The following ERICH1 variants were observed in gnomAD, a reference collection of about 807,000 sequenced individuals.
ERICH1 encodes glutamate rich 1, also known as glutamate-rich protein 1.
In ERICH1, 56 loss-of-function variants were observed where a neutral mutation model predicts 39.6. That is an observed-to-expected ratio of 1.41 (90% CI 1.14 to 1.77). The LOEUF is 1.77. Among genes scored for constraint, ERICH1 ranks in the 40% most tolerant of loss-of-function variants. The probability of loss-of-function intolerance (pLI) is 0.00; values close to 1 mark genes in which losing one functional copy is unlikely to be tolerated. For synonymous variants in ERICH1, 313 were observed against 223.6 expected, an observed-to-expected ratio of 1.40 and a Z score of -3.57; for missense variants, 826 against 575.4, an observed-to-expected ratio of 1.44 and a Z score of -4.45.
intron 5 of ERICH1, chr8:668,111 C>T (rs189727105): frequency 4.4e-5 from 9 of 202,732 alleles, no homozygotes; most frequent in East Asian, 3.9e-4. Context: ...CTTGTGTCAC[C>T]GCACACGGCA....
At chr8:711,604 T>G (rs1219282538) in intron 2 of ERICH1, among the ~76,000 whole-genome samples, 1 of 152,034 alleles carries the variant, frequency 6.6e-6, no homozygotes, top group African/African-American at 2.4e-5. Context: ...TTCAAGCAAT[T>G]CTTCTGCCTC....
chr8:731,120 T>TCCGCA lies in ERICH1; in HGVS notation c.22+15_22+19dup, dbSNP rs1320511145. 6.0e-6 allele frequency: 9 copies of TCCGCA among 1,506,288 alleles called. No homozygotes were observed. Among genetic ancestry groups the TCCGCA allele is most frequent in the Non-Finnish European group, 7.1e-6 (8 of 1,128,854 alleles). 93.3% of individuals were successfully genotyped at this position (1,506,288 alleles called of 1,614,324 possible). ...GCCGGGTCTGGGGTCTGGGCAGGCC[T>TCCGCA]CCGCACCGCACCCACCTACCGTGCT... is the stretch of plus-strand genomic sequence containing the variant. On this transcript the variant is annotated intron_variant, in intron 1 of 5. Transcript: ENST00000262109.
chr8:695,927 C>T (rs563483432), intron 2 of ERICH1, among the ~76,000 whole-genome samples: 1 of 79,762 alleles, frequency 1.3e-5, no homozygotes, highest in South Asian at 6.2e-4. Flanking sequence ...TCACCCTCCA[C>T]TCCTCTCCTT....
chr8:726,729 C>A (rs576608648), intron 1 of ERICH1, among the ~76,000 whole-genome samples: 68 of 151,704 alleles, frequency 4.5e-4, no homozygotes, highest in African/African-American at 1.6e-3. Context: ...CACACACAGG[C>A]AAACAGATAT....
At chr8:651,686 A>C (rs1799965412) in intron 3 of ERICH1, among the ~76,000 whole-genome samples, 1 of 135,988 alleles carries the variant, frequency 7.4e-6, no homozygotes. Context: ...GTGGGGGAGA[A>C]GACTGAGGGG....
chr8:637,641 CTG>C (rs1358281053), intron 3 of ERICH1: 2 of 152,350 alleles, frequency 1.3e-5, no homozygotes, highest in Non-Finnish European at 2.9e-5. Flanking sequence ...GGGTGCTCAG[CTG>C]TGAGGATGAC....
chr8:679,280 C>G (rs1805570249), intron 3 of ERICH1, among the ~76,000 whole-genome samples: 1 of 149,540 alleles, frequency 6.7e-6, no homozygotes, highest in Admixed American at 6.7e-5. Flanking sequence ...CTCACAGCTC[C>G]TACTGCTCAC....
intron 3 of ERICH1, among the ~76,000 whole-genome samples, chr8:629,914 T>C (rs1225534065): frequency 9.3e-6 from 1 of 107,462 alleles, no homozygotes; most frequent in African/African-American, 4.1e-5. Flanking sequence ...CAGAGCTGAC[T>C]CACACCCTCC....
At position 673,940 on chromosome 8, in the gene ERICH1, T is replaced by C; in HGVS notation, c.412A>G (p.Lys138Glu). Reference sequence around the variant, plus strand: ...TTCTCCTGTAACAGACTCTGCTGTTTCTCTAATTCTGCTTGTTCTATAAGA... The same window carrying C: ...TTCTCCTGTAACAGACTCTGCTGTTCCTCTAATTCTGCTTGTTCTATAAGA... ...NVLIEQAELEKQQSLLQEKSQ... is the reference protein window; with the variant it reads ...NVLIEQAELEEQQSLLQEKSQ... The change falls in exon 4 of 6, where the codon AAA (lysine) becomes GAA (glutamate). Residue 138 changes from lysine (K) to glutamate (E), a missense_variant. Coordinates refer to ENST00000262109, the MANE Select transcript of ERICH1 (RefSeq NM_207332.3). 6.2e-7 allele frequency: 1 copy of C among 1,612,032 alleles called. No homozygotes were observed. Among genetic ancestry groups the C allele is most frequent in the African/African-American group, 1.3e-5 (1 of 74,944 alleles).
At chr8:705,770 TA>T (rs1345799595) in intron 2 of ERICH1, among the ~76,000 whole-genome samples, 20 of 152,198 alleles carry the variant, frequency 1.3e-4, no homozygotes, top group African/African-American at 4.8e-4. Context: ...AAGGAAAAAG[TA>T]AAACTACCCG....
intron 2 of ERICH1, among the ~76,000 whole-genome samples, chr8:702,748 C>G (rs1267280762): frequency 6.6e-6 from 1 of 152,202 alleles, no homozygotes; most frequent in Non-Finnish European, 1.5e-5. Context: ...AGCTAACTGC[C>G]AAGACCCGCC....
intron 5 of ERICH1, chr8:668,013 CAGT>C (rs1200586993): frequency 5.9e-6 from 1 of 168,832 alleles, no homozygotes; most frequent in African/African-American, 2.4e-5. Flanking sequence ...GCTCTGCACT[CAGT>C]GGTGTGCAGG....
intron 3 of ERICH1, chr8:627,069 G>C (rs1471824950): frequency 6.6e-6 from 3 of 453,678 alleles, no homozygotes; most frequent in Non-Finnish European, 1.3e-5. Flanking sequence ...CCGTGCTCTG[G>C]GCTCCAGCAG....
At chr8:628,479 T>G (rs1797727155) in intron 3 of ERICH1, among the ~76,000 whole-genome samples, 1 of 152,208 alleles carries the variant, frequency 6.6e-6, no homozygotes, top group African/African-American at 2.4e-5. Flanking sequence ...GGCATGTGGC[T>G]GCTCCCCAGT....
At chr8:619,728 A>G (rs909847062) in intron 3 of ERICH1, among the ~76,000 whole-genome samples, 5 of 152,226 alleles carry the variant, frequency 3.3e-5, no homozygotes, top group African/African-American at 1.2e-4. Flanking sequence ...ACAATATATT[A>G]AACAACAGCA....
At chr8:704,451 C>G (rs1472664887) in intron 2 of ERICH1, among the ~76,000 whole-genome samples, 1 of 151,986 alleles carries the variant, frequency 6.6e-6, no homozygotes, top group African/African-American at 2.4e-5. Context: ...GAAATTAGTA[C>G]TATTAAGTAT....
At chr8:617,366 T>C (rs11783274) in intron 3 of ERICH1, among the ~76,000 whole-genome samples, 118,546 of 152,084 alleles carry the variant, frequency 0.78, 47,106 homozygotes, top group East Asian at 0.99. Flanking sequence ...CATGGCTCCA[T>C]GCCTGCCTCA....
At chr8:698,202 ATC>A (rs1810814545) in intron 2 of ERICH1, among the ~76,000 whole-genome samples, 1 of 148,188 alleles carries the variant, frequency 6.7e-6, no homozygotes, top group South Asian at 2.2e-4. Context: ...CAGAAAGGCC[ATC>A]CTAAATCATA....
chr8:633,143 C>A (rs1291763555), intron 3 of ERICH1, among the ~76,000 whole-genome samples: 2 of 151,182 alleles, frequency 1.3e-5, no homozygotes, highest in African/African-American at 4.9e-5. Flanking sequence ...CCAGGACAGA[C>A]GGAAACCAGT....
Sources: allele counts gnomAD v4.1 joint callset (sites outside exome capture counted in the v4.1 genomes callset), GRCh38; gene constraint gnomAD v4.1.1; transcripts MANE v1.5; gene names NCBI Gene and HGNC (gene_info 2026-07-23, HGNC 2026-07-21).